The following MYO5A variants were observed in gnomAD, a reference collection of about 807,000 sequenced individuals.
MYO5A encodes unconventional myosin-Va.
In MYO5A, 98 loss-of-function variants were observed where a neutral mutation model predicts 249.7. The observed-to-expected ratio is 0.39, with a 90% CI of 0.33 to 0.46. MYO5A has a LOEUF of 0.46. Ranked by LOEUF, MYO5A falls within the 20% of genes least tolerant of loss-of-function variation. The probability of loss-of-function intolerance (pLI) is 0.98; values close to 1 mark genes in which losing one functional copy is unlikely to be tolerated. For missense variants in MYO5A, 1,696 were observed against 2,308.8 expected (o/e 0.73, Z 5.44); for synonymous variants, 778 against 810.6 (o/e 0.96, Z 0.68).
chr15:52,433,215 G>T lies in MYO5A; in HGVS notation c.98C>A (p.Pro33Gln). Residue 33 changes from proline (P) to glutamine (Q), a missense_variant, in exon 2 of 42, where the codon CCA becomes CAA. By Grantham distance (76) the Pro-to-Gln change is moderately conservative. Transcript: ENST00000399233. Reference sequence around the variant, plus strand: ...GTGAAGCAGGAGGACTTTATCTCCTGGCTTATAATCTTTGAGCAGCTCTGC... The same window carrying T: ...GTGAAGCAGGAGGACTTTATCTCCTTGCTTATAATCTTTGAGCAGCTCTGC... ...KSAELLKDYK[P>Q]GDKVLLLHLE... 6.2e-7 allele frequency: 1 copy of T among 1,613,470 alleles called. No homozygotes were observed. Among genetic ancestry groups the T allele is most frequent in the Non-Finnish European group, 8.5e-7 (1 of 1,179,688 alleles).
chr15:52,506,110 A>C (rs193187722), intron 1 of MYO5A, among the ~76,000 whole-genome samples: 2 of 152,094 alleles, frequency 1.3e-5, no homozygotes, highest in African/African-American at 4.8e-5. Flanking sequence ...CCAGCACTTT[A>C]GGAGGCCGAG....
rs2077473442 is a variant in MYO5A, at chr15:52,515,278, A to AG, written c.27+13501dup. 2.5e-5 allele frequency among the ~76,000 whole-genome samples: 3 copies of AG among 121,178 alleles called. No homozygotes were observed. In the Admixed American group the frequency reaches 2.9e-4, roughly 12 times the overall value. 79.5% of individuals were successfully genotyped at this position (121,178 alleles called of 152,430 possible). On this transcript the variant is annotated intron_variant, in intron 1 of 41. Coordinates refer to ENST00000399233, the MANE Select transcript of MYO5A (RefSeq NM_001382347.1). The stretch of plus-strand genomic sequence containing the variant: ...AGCAACAGAGCAAGACCCTGTCTCA[A>AG]GAAAAAAAAAAGAAAGAAAGAAAGA...
intron 1 of MYO5A, among the ~76,000 whole-genome samples, chr15:52,480,677 C>T (rs2076696690): frequency 6.6e-6 from 1 of 152,224 alleles, no homozygotes; most frequent in Non-Finnish European, 1.5e-5. Flanking sequence ...AACTTGGTTT[C>T]CCACATTCTC....
intron 13 of MYO5A, among the ~76,000 whole-genome samples, chr15:52,388,629 T>G (rs1567078294): frequency 6.6e-6 from 1 of 152,164 alleles, no homozygotes. Context: ...AAATATAAAT[T>G]ACTCTCATTG....
intron 20 of MYO5A, among the ~76,000 whole-genome samples, chr15:52,373,325 G>T (rs928890938): frequency 6.6e-6 from 1 of 152,224 alleles, no homozygotes; most frequent in Middle Eastern, 3.4e-3. Flanking sequence ...AGGTAGCCAG[G>T]CACAGTGACT....
intron 25 of MYO5A, among the ~76,000 whole-genome samples, chr15:52,357,465 A>AG (rs1432512955): frequency 2.0e-5 from 3 of 151,528 alleles, no homozygotes; most frequent in Admixed American, 6.6e-5. Context: ...AAAAAAAAAA[A>AG]AAAGAAAAAA....
intron 1 of MYO5A, among the ~76,000 whole-genome samples, chr15:52,483,950 C>G (rs11856989): frequency 6.6e-6 from 1 of 152,090 alleles, no homozygotes; most frequent in Non-Finnish European, 1.5e-5. Context: ...AACTGCAAGC[C>G]GTCCACCTCC....
At chr15:52,387,387 C>T (rs1382914338) in intron 14 of MYO5A, among the ~76,000 whole-genome samples, 8 of 152,198 alleles carry the variant, frequency 5.3e-5, no homozygotes, top group African/African-American at 1.4e-4. Context: ...CGTAAGGCCA[C>T]GTTTCTAGTA....
chr15:52,402,076 C>T (rs938690712), intron 9 of MYO5A, among the ~76,000 whole-genome samples: 6 of 152,220 alleles, frequency 3.9e-5, no homozygotes, highest in African/African-American at 1.4e-4. Context: ...TGGGACTCCA[C>T]TGAGGCCTAG....
At chr15:52,469,828 C>T (rs1003100076) in intron 1 of MYO5A, among the ~76,000 whole-genome samples, 23 of 152,096 alleles carry the variant, frequency 1.5e-4, no homozygotes, top group African/African-American at 4.6e-4. Context: ...TCTCACAGTC[C>T]GGCACTGGTT....
At position 52,311,108 on chromosome 15, in the gene MYO5A, G is replaced by C. The variant is rs1417843613; in HGVS notation, c.*2588C>G. 1 of 152,412 alleles carries C rather than the reference G, an allele frequency of 6.6e-6. No homozygotes were observed. The highest frequency in any genetic ancestry group is 1.5e-5 in the Non-Finnish European group (1 of 68,234). The allele number at this position is 152,412 out of a possible 1,614,324, so 9.4% of individuals were successfully genotyped here. On this transcript the variant is annotated 3_prime_UTR_variant, in exon 42 of 42. Coordinates refer to ENST00000399233, the MANE Select transcript of MYO5A (RefSeq NM_001382347.1). ...TTGACAGGACAAAGACAGGAGATGG[G>C]AGAGAAGGGCTCAGACCACAGCCTT...
chr15:52,528,645 G>A, intron 1 of MYO5A, 135 bp downstream of exon 1: 2 of 1,028,376 alleles, frequency 1.9e-6, no homozygotes, highest in Non-Finnish European at 2.6e-6. Flanking sequence ...TAGGGCCGAG[G>A]GTTCTGAGGC....
rs2037888863 is a variant in MYO5A, at chr15:52,314,326, G to A, written c.5410-123C>T. ...TCAGTTCTACTCAGGGGTGGGCTGG[G>A]ACCAGAAGGAAGGAGGAGCTGGTCT... On this transcript the variant is annotated intron_variant, in intron 40 of 41. Coordinates refer to ENST00000399233, the MANE Select transcript of MYO5A (RefSeq NM_001382347.1). The A allele has an allele frequency of 5.5e-6, 4 of 732,640 alleles. No homozygotes were observed. The Admixed American group carries it at 6.2e-5, about 11-fold the overall frequency. 45.4% of individuals were successfully genotyped at this position (732,640 alleles called of 1,614,324 possible).
chr15:52,409,969 T>C (rs2043179144), intron 6 of MYO5A, among the ~76,000 whole-genome samples: 1 of 152,182 alleles, frequency 6.6e-6, no homozygotes, highest in African/African-American at 2.4e-5. Flanking sequence ...AAGATAATTT[T>C]TTTTCTTGCA....
At chr15:52,364,291 C>T (rs1013908384) in intron 24 of MYO5A, among the ~76,000 whole-genome samples, 1 of 151,680 alleles carries the variant, frequency 6.6e-6, no homozygotes, top group Non-Finnish European at 1.5e-5. Context: ...TTTATACTAT[C>T]ACATAGCCCA....
At position 52,384,156 on chromosome 15, in the gene MYO5A, C is replaced by T; in HGVS notation, c.1914+5G>A. 1 of 1,614,120 alleles carries T rather than the reference C, an allele frequency of 6.2e-7. No individual in the cohort carries two copies. Among genetic ancestry groups the T allele is most frequent in the African/African-American group, 1.3e-5 (1 of 75,052 alleles). ...AGCGTGGCAGCGGCAGCTCCCTGAACTCACCTGATGCCCCACTGTTTTCTT... is the reference window on the plus strand; with the variant it reads ...AGCGTGGCAGCGGCAGCTCCCTGAATTCACCTGATGCCCCACTGTTTTCTT... On this transcript the variant is annotated splice_donor_5th_base_variant and intron_variant, in intron 15 of 41. Transcript: ENST00000399233.
intron 1 of MYO5A, among the ~76,000 whole-genome samples, chr15:52,470,672 T>A (rs1041797358): frequency 1.3e-5 from 2 of 151,378 alleles, no homozygotes; most frequent in African/African-American, 4.9e-5. Context: ...AGGCCATTCC[T>A]TACTGACAAG....
intron 5 of MYO5A, 92 bp from the exon 6 acceptor site, chr15:52,410,568 A>G (rs2141235822): frequency 8.1e-7 from 1 of 1,227,818 alleles, no homozygotes; most frequent in East Asian, 2.4e-5. Flanking sequence ...GATGGAGTAG[A>G]ACACAGGTCC....
intron 9 of MYO5A, among the ~76,000 whole-genome samples, chr15:52,402,673 T>G (rs916476028): frequency 3.3e-5 from 5 of 151,982 alleles, no homozygotes; most frequent in African/African-American, 1.2e-4. Flanking sequence ...GGTGAAACCC[T>G]GTCTCTACTA....
Sources: gnomAD v4.1 joint callset for allele counts (sites outside exome capture counted in the v4.1 genomes callset) on GRCh38, gnomAD v4.1.1 for gene constraint, MANE v1.5 for transcripts, NCBI Gene and HGNC (gene_info 2026-07-23, HGNC 2026-07-21) for gene names.